PYCR2: variants seen among roughly 807,000 people sequenced by gnomAD.
The protein encoded by PYCR2 is pyrroline-5-carboxylate reductase 2.
PYCR2 carries 17 observed loss-of-function variants against 23.4 expected under a neutral mutation model. The ratio of observed to expected loss-of-function variants is 0.73; its 90% CI spans 0.50 to 1.09. The LOEUF (loss-of-function observed/expected upper bound fraction) is 1.09, where lower values mean the gene tolerates loss of function less well. PYCR2 is among the 50% of genes least tolerant of loss of function. The pLI, the probability that PYCR2 is intolerant of heterozygous loss-of-function variation, is 0.00. For synonymous variants in PYCR2, 172 were observed against 176.6 expected, an observed-to-expected ratio of 0.97 and a Z score of 0.21; for missense variants, 380 against 423.5, an observed-to-expected ratio of 0.90 and a Z score of 0.90.
At chr1:225,922,174 C>T in intron 3 of PYCR2, 30 bp downstream of exon 3, 3 of 1,608,582 alleles carry the variant, frequency 1.9e-6, no homozygotes, top group Non-Finnish European at 2.6e-6. Context: ...CCTCCCCTCA[C>T]ACAAGGGGCA....
intron 2 of PYCR2, 89 bp from the exon 3 acceptor site, chr1:225,922,472 A>AT: frequency 7.3e-7 from 1 of 1,368,232 alleles, no homozygotes; most frequent in Non-Finnish European, 1.0e-6. Flanking sequence ...TGCCAAACCG[A>AT]TTCTGCCAGA....
At position 225,922,321 on chromosome 1, in the gene PYCR2, A is replaced by T. The variant is rs375457964; in HGVS notation, c.201T>A (p.Phe67Leu). The T allele has an allele frequency of 2.5e-6, 4 of 1,614,108 alleles. No individual in the cohort carries two copies. The highest frequency in any genetic ancestry group is 2.5e-6 in the Non-Finnish European group (3 of 1,180,046). ...GGATGATATGTGGCTTCACAGCCAG[A>T]AACAGGACGTCGCTGTGCTTCACCG... ...KETVKHSDVL[F>L]LAVKPHIIPF... Residue 67 changes from phenylalanine (F) to leucine (L), a missense_variant, in exon 3 of 7, where the codon TTT (phenylalanine) becomes TTA (leucine). Coordinates refer to ENST00000343818, the MANE Select transcript of PYCR2 (RefSeq NM_013328.4).
Position 225,924,032 on chromosome 1 carries a change from C to CCCGCCTA in PYCR2, c.67+11_67+12insTAGGCGG. 6.5e-7 allele frequency: 1 copy of CCCGCCTA among 1,537,542 alleles called. No individual in the cohort carries two copies. Among genetic ancestry groups the CCCGCCTA allele is most frequent in the Non-Finnish European group, 8.7e-7 (1 of 1,144,564 alleles). On this transcript the variant is annotated intron_variant, in intron 1 of 6. Transcript: ENST00000343818. ...CCGCCCGCGAAGCCGCCTCCCGCCT[C>CCCGCCTA]CACGCGCTTGCCTGCGGCCGTGAAG...
rs1296459265 is a variant in PYCR2, at chr1:225,924,158, G to C, written c.-48C>G. ...GGAGCCGCACGAACCCCCTCAGCGA[G>C]GGACCGGAAGTAACGCTAGGGGAAG... On this transcript the variant is annotated 5_prime_UTR_variant, in exon 1 of 7. Coordinates refer to ENST00000343818, the MANE Select transcript of PYCR2 (RefSeq NM_013328.4). The C allele has an allele frequency of 6.6e-7, 1 of 1,516,006 alleles. No homozygotes were observed. The highest frequency in any genetic ancestry group is 1.4e-5 in the African/African-American group (1 of 72,212). 93.9% of individuals were successfully genotyped at this position (1,516,006 alleles called of 1,614,324 possible). A position where few individuals can be genotyped will look rare whatever the true frequency, so the allele number is the denominator to read the frequency against.
At chr1:225,922,615 AG>A (rs1671873458) in intron 2 of PYCR2, 2 of 533,944 alleles carry the variant, frequency 3.7e-6, no homozygotes, top group African/African-American at 3.8e-5. Flanking sequence ...GTAACCAGGA[AG>A]TGGCTGCCCT....
chr1:225,923,997 G>A (rs1347264160), intron 1 of PYCR2, 47 bp downstream of exon 1: 1 of 1,530,646 alleles, frequency 6.5e-7, no homozygotes. Context: ...GGCCCCCTCG[G>A]GCCTCGGGAC....
Position 225,920,314 on chromosome 1 carries a change from C to A in PYCR2, c.*141G>T, listed in dbSNP as rs1235212799. The A allele has an allele frequency of 1.3e-6, 1 of 765,830 alleles. No homozygotes were observed. Among genetic ancestry groups the A allele is most frequent in the Non-Finnish European group, 1.9e-6 (1 of 521,770 alleles). The allele number at this position is 765,830 out of a possible 1,614,324, so 47.4% of individuals were successfully genotyped here. A position where few individuals can be genotyped will look rare whatever the true frequency, so the allele number is the denominator to read the frequency against. The stretch of plus-strand genomic sequence containing the variant: ...GAACAGATTTAAGGAGGTTTTATCA[C>A]AAGGACCTGAAAACTTCCTAAGCAT... On this transcript the variant is annotated 3_prime_UTR_variant, in exon 7 of 7. Coordinates refer to ENST00000343818, the MANE Select transcript of PYCR2 (RefSeq NM_013328.4).
intron 3 of PYCR2, 36 bp from the exon 4 acceptor site, chr1:225,922,115 G>A (rs1671858380): frequency 6.2e-7 from 1 of 1,608,712 alleles, no homozygotes; most frequent in African/African-American, 1.3e-5. Flanking sequence ...AGTGGCCAGG[G>A]CACGGCTCCC....
In PYCR2 at chr1:225,921,981, G is replaced by A. The variant is rs370569189; in HGVS notation, c.417C>T (p.Thr139=). 1.5e-5 allele frequency: 25 copies of A among 1,614,020 alleles called. No individual in the cohort carries two copies. Among genetic ancestry groups the A allele is most frequent in the Non-Finnish European group, 1.9e-5 (23 of 1,180,018 alleles). Residue 139 remains threonine (T), a synonymous_variant, in exon 4 of 7, where the codon ACC becomes ACT. Transcript: ENST00000343818. This position sits in a 1 kb window ranked among gnomAD's most constrained non-coding sequence, Gnocchi z 4.2. ...QEGATVYATG[T]HALVEDGQLL... ...GCTGCCCATCCTCCACCAGGGCATG[G>A]GTGCCCGTGGCGTACACTGTAGCGC...
chr1:225,922,416 G>C, intron 2 of PYCR2, 33 bp from the exon 3 acceptor site: 1 of 1,589,890 alleles, frequency 6.3e-7, no homozygotes, highest in Non-Finnish European at 8.6e-7. Context: ...CACAGTGCTG[G>C]AGCAGCCTGG....
Position 225,920,494 on chromosome 1 carries a change from G to A in PYCR2, c.924C>T (p.Leu308=). 6.7e-7 allele frequency: 1 copy of A among 1,497,182 alleles called. No individual in the cohort carries two copies. The highest frequency in any genetic ancestry group is 9.1e-7 in the Non-Finnish European group (1 of 1,094,596). 92.7% of individuals were successfully genotyped at this position (1,497,182 alleles called of 1,614,324 possible). The change falls in exon 7 of 7, where the codon CTC becomes CTT. Residue 308 remains leucine (L), a synonymous_variant. Coordinates refer to ENST00000343818, the MANE Select transcript of PYCR2 (RefSeq NM_013328.4). ...CTCCCAGGGCCAGGCTTCTTGTGAGGAGCTTCCCTGGGCTGGAGGGGGTCA... is the reference window on the plus strand; with the variant it reads ...CTCCCAGGGCCAGGCTTCTTGTGAGAAGCTTCCCTGGGCTGGAGGGGGTCA... ...STLTPSSPGK[L]LTRSLALGGK... is the part of the protein sequence containing the mutation.
Position 225,920,524 on chromosome 1 carries a change from G to GGAGACT in PYCR2, c.888_893dup (p.Val297_Ser298dup). 1 of 1,566,672 alleles carries GGAGACT rather than the reference G, an allele frequency of 6.4e-7. No homozygotes were observed. The highest frequency in any genetic ancestry group is 8.8e-7 in the Non-Finnish European group (1 of 1,139,684). On this transcript the variant is annotated inframe_insertion, in exon 7 of 7. Coordinates refer to ENST00000343818, the MANE Select transcript of PYCR2 (RefSeq NM_013328.4). ...TCCCTGGGCTGGAGGGGGTCAGTGT[G>GGAGACT]GAGACTGTGGGGGATTCCAGCTTCA... is the stretch of plus-strand genomic sequence containing the variant.
At position 225,920,519 on chromosome 1, in the gene PYCR2, A is replaced by C. The variant is rs1338012134; in HGVS notation, c.899T>G (p.Leu300Arg). 6.4e-7 allele frequency: 1 copy of C among 1,552,470 alleles called. No individual in the cohort carries two copies. Among genetic ancestry groups the C allele is most frequent in the East Asian group, 2.3e-5 (1 of 44,346 alleles). Residue 300 changes from leucine to arginine, a missense_variant, in exon 7 of 7, where the codon CTG becomes CGG. Transcript: ENST00000343818. ...VKLESPTVST[L>R]TPSSPGKLLT... is the part of the protein sequence containing the mutation. ...GAGCTTCCCTGGGCTGGAGGGGGTC[A>C]GTGTGGAGACTGTGGGGGATTCCAG... is the stretch of plus-strand genomic sequence containing the variant.
intron 1 of PYCR2, 64 bp downstream of exon 1, chr1:225,923,980 G>A (rs765436521): frequency 1.3e-6 from 2 of 1,522,326 alleles, no homozygotes; most frequent in East Asian, 2.5e-5. Flanking sequence ...CATGCTGGTG[G>A]GACGGAGGCC....
rs761581399 is a variant in PYCR2, at chr1:225,921,835, G to T, written c.540+23C>A. On this transcript the variant is annotated intron_variant, in intron 4 of 6. Coordinates refer to ENST00000343818, the MANE Select transcript of PYCR2 (RefSeq NM_013328.4). This position sits in a 1 kb window ranked among gnomAD's most constrained non-coding sequence, Gnocchi z 4.2. ...TTGCTGCCTGGGTTCCTAGAAGGCT[G>T]AGCGAGCAAATGAGGGCCTCACATA... 3 of 1,612,606 alleles carry T rather than the reference G, an allele frequency of 1.9e-6. No homozygotes were observed. In the Admixed American group the frequency reaches 5.0e-5, roughly 27 times the overall value.
chr1:225,923,683 C>A lies in PYCR2; in HGVS notation c.138+18G>T, dbSNP rs1423111951. 1 of 1,613,848 alleles carries A rather than the reference C, an allele frequency of 6.2e-7. No individual in the cohort carries two copies. The highest frequency in any genetic ancestry group is 1.3e-5 in the African/African-American group (1 of 74,948). Reference sequence around the variant, plus strand: ...CCTGGGCCTCCACCCGCTTCCCACTCCGCCCGGCTCCACCTACCCTGAGCG... The same window carrying A: ...CCTGGGCCTCCACCCGCTTCCCACTACGCCCGGCTCCACCTACCCTGAGCG... On this transcript the variant is annotated intron_variant, in intron 2 of 6. Coordinates refer to ENST00000343818, the MANE Select transcript of PYCR2 (RefSeq NM_013328.4).
intron 2 of PYCR2, chr1:225,923,103 AT>A: frequency 2.3e-6 from 2 of 854,380 alleles, no homozygotes; most frequent in East Asian, 2.4e-4. Context: ...CTTTAAGGTC[AT>A]ACAACTCGTC....
chr1:225,921,225 G>A lies in PYCR2; in HGVS notation c.780C>T (p.Ala260=), dbSNP rs1671827519. 1 of 1,613,774 alleles carries A rather than the reference G, an allele frequency of 6.2e-7. No individual in the cohort carries two copies. Among genetic ancestry groups the A allele is most frequent in the East Asian group, 2.2e-5 (1 of 44,882 alleles). Residue 260 remains alanine (A), a synonymous_variant, in exon 6 of 7, where the codon GCC becomes GCT. Transcript: ENST00000343818. This position sits in a 1 kb window ranked among gnomAD's most constrained non-coding sequence, Gnocchi z 4.2. ...GGACTCACCGTGTTCGGATACAGGA[G>A]GCCTCAACTGCATTGATGAGCAGAG... is the stretch of plus-strand genomic sequence containing the variant. ...FRSLLINAVE[A]SCIRTRELQS... is the part of the protein sequence containing the mutation.
rs539456633 is a variant in PYCR2 at position 225,921,275 on chromosome 1, A to C, written c.730T>G (p.Phe244Val). 1 of 1,613,748 alleles carries C rather than the reference A, an allele frequency of 6.2e-7. No homozygotes were observed. Among genetic ancestry groups the C allele is most frequent in the South Asian group, 1.1e-5 (1 of 91,070 alleles). Residue 244 changes from phenylalanine to valine, a missense_variant, in exon 6 of 7, where the codon TTT (phenylalanine) becomes GTT (valine). Coordinates refer to ENST00000343818, the MANE Select transcript of PYCR2 (RefSeq NM_013328.4). This position sits in a 1 kb window ranked among gnomAD's most constrained non-coding sequence, Gnocchi z 4.2. Reference sequence around the variant, plus strand: ...GAGCGGAAGCCCCCACTCTCTAGAAAGTGCAGGGCGTGGATGGTGGCTCCC... The same window carrying C: ...GAGCGGAAGCCCCCACTCTCTAGAACGTGCAGGGCGTGGATGGTGGCTCCC... Reference protein sequence around the residue: ...PGGATIHALHFLESGGFRSLL... With the variant: ...PGGATIHALHVLESGGFRSLL...
Sources: allele counts gnomAD v4.1 joint callset, GRCh38; gene constraint gnomAD v4.1.1; non-coding constraint Gnocchi (gnomAD v3.1); transcripts MANE v1.5; gene names NCBI Gene and HGNC (gene_info 2026-07-23, HGNC 2026-07-21).